Variants in NINL observed in about 807,000 individuals in gnomAD.
The protein encoded by NINL is ninein like.
In NINL, 153 loss-of-function variants were observed where a neutral mutation model predicts 160.3. The observed-to-expected ratio is 0.95, with a 90% confidence interval of 0.84 to 1.09. The LOEUF is 1.09. NINL is among the 50% of genes least tolerant of loss of function. NINL has a pLI of 0.00. For synonymous variants in NINL, 800 were observed against 734.8 expected (o/e 1.09, Z -1.43); for missense variants, 1,829 against 1,764.0 (o/e 1.04, Z -0.66).
intron 6 of NINL, 142 bp downstream of exon 6, chr20:25,504,746 T>C: frequency 1.1e-6 from 1 of 893,424 alleles, no homozygotes; most frequent in Non-Finnish European, 1.7e-6. Flanking sequence ...TTGGCAGAAA[T>C]GCCAAGAGCC....
rs200974405 is a variant in NINL, at chr20:25,467,430, T to G, written c.3382A>C (p.Lys1128Gln). ...TCCATCTCAGAGCAGGCCTTTTCCT[T>G]GTCTTTCTTTAAAACCTCAATTTCC... The part of the protein sequence containing the change: ...RKEIEVLKKD[K>Q]EKACSEMEVL... The change falls in exon 19 of 24, where the codon AAG (lysine) becomes CAG (glutamine). Residue 1128 changes from lysine to glutamine, a missense_variant. Coordinates refer to ENST00000278886, the MANE Select transcript of NINL (RefSeq NM_025176.6). The G allele has an allele frequency of 2.2e-5, 35 of 1,614,092 alleles. No homozygotes were observed. The highest frequency in any genetic ancestry group is 1.7e-4 in the Admixed American group (10 of 60,024).
intron 17 of NINL, among the ~76,000 whole-genome samples, chr20:25,472,474 T>C (rs536860516): frequency 1.3e-5 from 2 of 150,056 alleles, no homozygotes; most frequent in South Asian, 4.2e-4. Flanking sequence ...ATTTTAATAG[T>C]AATGGCTGAG....
intron 19 of NINL, 154 bp from the exon 20 acceptor site, chr20:25,462,695 C>T (rs1601000539): frequency 4.5e-6 from 3 of 667,442 alleles, no homozygotes; most frequent in South Asian, 4.1e-5. Context: ...CGCTCTGTTG[C>T]CCTGGCTGGA....
chr20:25,517,844 G>T lies in NINL; in HGVS notation c.186C>A (p.Asn62Lys), dbSNP rs1221684613. ...CAAAACCTTCCTTAAATTCCTCAAA[G>T]TTAACCTGGGTGAATTGAAGGTGAG... ...LLGNDHFARV[N>K]FEEFKEGFVA... Residue 62 changes from asparagine to lysine, a missense_variant, in exon 3 of 24, where the codon AAC becomes AAA. Physicochemically the swap from Asn to Lys is moderately conservative, Grantham distance 94 (BLOSUM62 0). Coordinates refer to ENST00000278886, the MANE Select transcript of NINL (RefSeq NM_025176.6). 6.3e-7 allele frequency: 1 copy of T among 1,598,500 alleles called. No individual in the cohort carries two copies. Among genetic ancestry groups the T allele is most frequent in the Admixed American group, 1.8e-5 (1 of 55,180 alleles).
intron 22 of NINL, among the ~76,000 whole-genome samples, chr20:25,457,390 C>T (rs2090714924): frequency 6.6e-6 from 1 of 152,208 alleles, no homozygotes; most frequent in Non-Finnish European, 1.5e-5. Flanking sequence ...TTTCTCTTTG[C>T]AGTTCAGGGA....
chr20:25,464,890 C>T (rs1196419930), intron 19 of NINL, among the ~76,000 whole-genome samples: 2 of 152,150 alleles, frequency 1.3e-5, no homozygotes, highest in Non-Finnish European at 2.9e-5. Context: ...CCTTGTGACT[C>T]GAGTGACAAG....
At chr20:25,493,676 C>T (rs2063687602) in intron 10 of NINL, among the ~76,000 whole-genome samples, 1 of 152,118 alleles carries the variant, frequency 6.6e-6, no homozygotes, top group South Asian at 2.1e-4. Flanking sequence ...CTAGGAATTC[C>T]CCAGCCAGGT....
At chr20:25,456,241 C>CAAAA (rs34657031) in intron 22 of NINL, among the ~76,000 whole-genome samples, 27 of 40,690 alleles carry the variant, frequency 6.6e-4, no homozygotes, top group African/African-American at 2.2e-3. Flanking sequence ...GACTCCATCT[C>CAAAA]AAAAAAAAAA....
At chr20:25,478,115 A>AT (rs547497199) in intron 16 of NINL, among the ~76,000 whole-genome samples, 1 of 151,890 alleles carries the variant, frequency 6.6e-6, no homozygotes, top group Non-Finnish European at 1.5e-5. Context: ...TGCTCAGCTA[A>AT]TTTTTTGTGT....
chr20:25,513,330 G>A (rs945043892), intron 3 of NINL, among the ~76,000 whole-genome samples: 1 of 152,130 alleles, frequency 6.6e-6, no homozygotes, highest in Non-Finnish European at 1.5e-5. Context: ...CTATGCAAAG[G>A]AGCAATAAAA....
chr20:25,510,804 G>A, intron 4 of NINL, 64 bp from the exon 5 acceptor site: 2 of 1,217,442 alleles, frequency 1.6e-6, no homozygotes. Flanking sequence ...CGGAGCACCG[G>A]GAACAAATAG....
intron 13 of NINL, among the ~76,000 whole-genome samples, chr20:25,485,175 G>C (rs2063482903): frequency 6.6e-6 from 1 of 152,240 alleles, no homozygotes; most frequent in African/African-American, 2.4e-5. Flanking sequence ...GATGCACTGA[G>C]GGAAGCAGAA....
At chr20:25,479,934 C>A (rs1400212872) in intron 15 of NINL, among the ~76,000 whole-genome samples, 1 of 152,344 alleles carries the variant, frequency 6.6e-6, no homozygotes, top group Non-Finnish European at 1.5e-5. Flanking sequence ...AGTATCACAC[C>A]ATTCCCTCCC....
chr20:25,526,859 T>C lies in NINL; in HGVS notation c.-11-261A>G, dbSNP rs10485776. On this transcript the variant is annotated intron_variant, in intron 1 of 23. Coordinates refer to ENST00000278886, the MANE Select transcript of NINL (RefSeq NM_025176.6). ...GTCAGTCACAAGAACCAGAATTTCTTTGTTGTATGAAAAATATCCATTAGG... is the reference window on the plus strand; with the variant it reads ...GTCAGTCACAAGAACCAGAATTTCTCTGTTGTATGAAAAATATCCATTAGG... Among the ~76,000 whole-genome samples the C allele has an allele frequency of 0.1, 15,163 of 152,092 alleles. 1,284 individuals carry two copies. The highest frequency in any genetic ancestry group is 0.23 in the African/African-American group (9,484 of 41,462).
chr20:25,513,432 C>T (rs150859260), intron 3 of NINL, among the ~76,000 whole-genome samples: 15 of 152,298 alleles, frequency 9.8e-5, no homozygotes, highest in Non-Finnish European at 2.1e-4. Context: ...TTCCAGGCAG[C>T]TGACAATAAC....
intron 16 of NINL, 76 bp downstream of exon 16, chr20:25,478,847 T>A: frequency 6.8e-7 from 1 of 1,470,044 alleles, no homozygotes; most frequent in South Asian, 1.4e-5. Context: ...TCTGAGTTGT[T>A]TCCTAAGTCT....
rs186470340 is a variant in NINL, at chr20:25,497,793, A to C, written c.1169+417T>G. Among the ~76,000 whole-genome samples the C allele has an allele frequency of 3.9e-5, 6 of 152,274 alleles. No individual in the cohort carries two copies. The East Asian group carries it at 1.2e-3, about 30-fold the overall frequency. ...CCACCTGGCGCTGGCAAGCGCCTGC[A>C]CCAGCATGAGGGGGGACCTCATGTC... On this transcript the variant is annotated intron_variant, in intron 9 of 23. Coordinates refer to ENST00000278886, the MANE Select transcript of NINL (RefSeq NM_025176.6).
chr20:25,571,789 T>A (rs1300980409), intron 1 of NINL, among the ~76,000 whole-genome samples: 1 of 134,160 alleles, frequency 7.5e-6, no homozygotes, highest in Non-Finnish European at 1.5e-5. Context: ...ATTGCTTGAA[T>A]CCTGGGAGGC....
At chr20:25,467,820 C>A (rs1306748818) in intron 18 of NINL, among the ~76,000 whole-genome samples, 1 of 152,184 alleles carries the variant, frequency 6.6e-6, no homozygotes, top group African/African-American at 2.4e-5. Flanking sequence ...ACTTCACACT[C>A]AGCAGAGTGA....
Sources: allele counts gnomAD v4.1 joint callset (sites outside exome capture counted in the v4.1 genomes callset), GRCh38; gene constraint gnomAD v4.1.1; transcripts MANE v1.5; gene names NCBI Gene and HGNC (gene_info 2026-07-23, HGNC 2026-07-21).